The following CDH13 variants were observed in gnomAD, a reference collection of about 807,000 sequenced individuals.
CDH13 encodes the protein cadherin 13, also known as cadherin-13.
In CDH13, 24 loss-of-function variants were observed where a neutral mutation model predicts 63.8. The ratio of observed to expected loss-of-function variants is 0.38; its 90% CI spans 0.27 to 0.53. The LOEUF is 0.53. Among genes scored for constraint, CDH13 ranks in the 20% least tolerant of loss-of-function variants. The probability of loss-of-function intolerance (pLI) is 0.85; values close to 1 mark genes in which losing one functional copy is unlikely to be tolerated. For missense variants in CDH13, 1,049 were observed against 903.1 expected, an observed-to-expected ratio of 1.16 and a Z score of -2.07; for synonymous variants, 503 against 355.3, an observed-to-expected ratio of 1.42 and a Z score of -4.67.
At chr16:83,073,706 A>T (rs57117831) in intron 3 of CDH13, among the ~76,000 whole-genome samples, 4,145 of 152,138 alleles carry the variant, frequency 0.027, 173 homozygotes, top group African/African-American at 0.094. Flanking sequence ...TCTTCACAAA[A>T]GTTTTAAGAT....
At chr16:83,199,459 G>T (rs1186726442) in intron 4 of CDH13, among the ~76,000 whole-genome samples, 1 of 152,118 alleles carries the variant, frequency 6.6e-6, no homozygotes, top group African/African-American at 2.4e-5. Flanking sequence ...TAACCCATTG[G>T]ACAAATGACT....
At chr16:82,875,464 A>G (rs2040472821) in intron 2 of CDH13, among the ~76,000 whole-genome samples, 1 of 152,234 alleles carries the variant, frequency 6.6e-6, no homozygotes, top group Non-Finnish European at 1.5e-5. Flanking sequence ...GGTCTCAGAA[A>G]GGACAGAAAC....
intron 1 of CDH13, among the ~76,000 whole-genome samples, chr16:82,669,567 A>G (rs1459333427): frequency 6.6e-6 from 1 of 152,218 alleles, no homozygotes; most frequent in East Asian, 1.9e-4. Context: ...AAGGACTTAA[A>G]TGTTTCTCAT....
chr16:83,698,800 A>G (rs574196064), intron 10 of CDH13, among the ~76,000 whole-genome samples: 1 of 152,336 alleles, frequency 6.6e-6, no homozygotes, highest in South Asian at 2.1e-4. Flanking sequence ...ATGATAAACA[A>G]TATAGGTTTT....
chr16:83,697,352 G>A (rs139443490), intron 10 of CDH13, among the ~76,000 whole-genome samples: 14 of 152,214 alleles, frequency 9.2e-5, no homozygotes, highest in African/African-American at 2.9e-4. Flanking sequence ...ATTTTTGCAC[G>A]TTTTGTTCGC....
intron 6 of CDH13, among the ~76,000 whole-genome samples, chr16:83,461,259 A>G (rs1245170986): frequency 1.3e-5 from 2 of 152,200 alleles, no homozygotes; most frequent in African/African-American, 2.4e-5. Context: ...TATAAAATAT[A>G]TAGCTTTTAA....
At chr16:82,829,010 C>T (rs1227718335) in intron 1 of CDH13, among the ~76,000 whole-genome samples, 2 of 151,952 alleles carry the variant, frequency 1.3e-5, no homozygotes, top group Non-Finnish European at 2.9e-5. Flanking sequence ...TAGGCTAGAG[C>T]GATGGGTTTT....
At chr16:83,491,568 G>GT (rs57321427) in intron 7 of CDH13, among the ~76,000 whole-genome samples, 2,145 of 143,144 alleles carry the variant, frequency 0.015, 11 homozygotes, top group African/African-American at 0.022. Context: ...AATGGTCAGG[G>GT]TTTTTTTTTT....
At chr16:83,554,458 G>A (rs1379482551) in intron 7 of CDH13, among the ~76,000 whole-genome samples, 1 of 152,222 alleles carries the variant, frequency 6.6e-6, no homozygotes, top group Non-Finnish European at 1.5e-5. Context: ...CAGCATGGCT[G>A]TGAAGGAAGG....
intron 4 of CDH13, among the ~76,000 whole-genome samples, chr16:83,169,836 A>G (rs1174705098): frequency 1.3e-5 from 2 of 152,124 alleles, no homozygotes; most frequent in African/African-American, 2.4e-5. Context: ...TGTTTATACA[A>G]TTAACAATCT....
At chr16:83,685,712 A>G (rs1904301714) in intron 10 of CDH13, among the ~76,000 whole-genome samples, 1 of 152,192 alleles carries the variant, frequency 6.6e-6, no homozygotes, top group Admixed American at 6.5e-5. Context: ...CTAAGAACCA[A>G]TGATCCCAAG....
intron 4 of CDH13, among the ~76,000 whole-genome samples, chr16:83,142,985 C>T (rs952568326): frequency 6.6e-6 from 1 of 152,152 alleles, no homozygotes; most frequent in African/African-American, 2.4e-5. Flanking sequence ...TGCCTGTCAT[C>T]CCAGCTACTC....
At chr16:83,781,447 G>A (rs1364115) in intron 12 of CDH13, among the ~76,000 whole-genome samples, 1 of 152,038 alleles carries the variant, frequency 6.6e-6, no homozygotes, top group Non-Finnish European at 1.5e-5. Context: ...AGAGAATTAC[G>A]CATTTCATTA....
At chr16:82,672,594 C>A (rs564038791) in intron 1 of CDH13, among the ~76,000 whole-genome samples, 76 of 152,206 alleles carry the variant, frequency 5.0e-4, no homozygotes, top group African/African-American at 1.8e-3. Context: ...CCTACTGCTT[C>A]CCCACACCTC....
intron 1 of CDH13, among the ~76,000 whole-genome samples, chr16:82,628,647 C>G (rs952076745): frequency 2.6e-5 from 4 of 152,122 alleles, no homozygotes; most frequent in African/African-American, 7.2e-5. Context: ...CCAGGCTTTT[C>G]TGGTTGATTA....
intron 3 of CDH13, among the ~76,000 whole-genome samples, chr16:83,080,871 G>GTTTTTTTTTTTTGT (rs2033186230): frequency 2.1e-5 from 1 of 46,928 alleles, no homozygotes; most frequent in Non-Finnish European, 3.5e-5. Context: ...TTGTTTTTGT[G>GTTTTTTTTTTTTGT]TTTTTTTTTT....
At chr16:83,741,962 C>A (rs778302013) in intron 10 of CDH13, among the ~76,000 whole-genome samples, 1 of 152,214 alleles carries the variant, frequency 6.6e-6, no homozygotes, top group Non-Finnish European at 1.5e-5. Flanking sequence ...AGCCATCCCC[C>A]ACCTGTTCAT....
intron 11 of CDH13, among the ~76,000 whole-genome samples, chr16:83,758,551 C>T (rs1426690917): frequency 6.6e-6 from 1 of 151,910 alleles, no homozygotes; most frequent in East Asian, 1.9e-4. Flanking sequence ...TCAGTCCCAG[C>T]CAGAGCGAGA....
chr16:83,759,983 GAC>G (rs1913833977), intron 11 of CDH13, among the ~76,000 whole-genome samples: 2 of 145,392 alleles, frequency 1.4e-5, no homozygotes, highest in African/African-American at 5.0e-5. Context: ...GTAAGCAAAA[GAC>G]ACAACCCAAA....
Sources: gnomAD v4.1 joint callset for allele counts (sites outside exome capture counted in the v4.1 genomes callset) on GRCh38, gnomAD v4.1.1 for gene constraint, MANE v1.5 for transcripts, NCBI Gene and HGNC (gene_info 2026-07-23, HGNC 2026-07-21) for gene names.